Variants in FAM149A observed in about 807,000 individuals in gnomAD.
FAM149A encodes the protein family with sequence similarity 149 member A, also known as protein FAM149A.
Under a neutral mutation model 78.2 loss-of-function variants are expected in FAM149A, and 71 were observed. That is an observed-to-expected ratio of 0.91 (90% CI 0.75 to 1.11). The LOEUF is 1.11. Ranked by LOEUF, FAM149A falls within the 50% of genes least tolerant of loss-of-function variation. FAM149A has a pLI of 0.00. For synonymous variants in FAM149A, 446 were observed against 410.5 expected (o/e 1.09, Z -1.04); for missense variants, 1,036 against 971.0 (o/e 1.07, Z -0.89).
At chr4:186,118,805 G>A (rs990493641) in intron 1 of FAM149A, among the ~76,000 whole-genome samples, 7 of 152,240 alleles carry the variant, frequency 4.6e-5, no homozygotes, top group Middle Eastern at 3.4e-3. Flanking sequence ...TGCGGTCATC[G>A]GATGCAGCCT....
In FAM149A at chr4:186,105,266, TCCGCCTCGCGGCGGTCGCCCGCC is replaced by T; in HGVS notation, c.195_217del (p.Ser66AlafsTer27). The T allele has an allele frequency of 8.3e-7, 1 of 1,201,098 alleles. No individual in the cohort carries two copies. Among genetic ancestry groups the T allele is most frequent in the Non-Finnish European group, 1.0e-6 (1 of 952,958 alleles). The allele number at this position is 1,201,098 out of a possible 1,614,324, so 74.4% of individuals were successfully genotyped here. A position where few individuals can be genotyped will look rare whatever the true frequency, so the allele number is the denominator to read the frequency against. On this transcript the variant is annotated frameshift_variant, in exon 1 of 14. Transcript: ENST00000389354. LOFTEE classifies it high-confidence loss of function. ...CCGCGCCCTGGCTCCGGACTCCCCC[TCCGCCTCGCGGCGGTCGCCCGCC>T]CCGCTGCTCTCCTCCCCCTACTCCC... is the stretch of plus-strand genomic sequence containing the variant.
At chr4:186,116,382 C>G (rs2099313695) in intron 1 of FAM149A, 1 of 741,552 alleles carries the variant, frequency 1.3e-6, no homozygotes, top group Non-Finnish European at 1.6e-6. Flanking sequence ...GAGCTGTAGA[C>G]CGGAGCTGTT....
intron 4 of FAM149A, among the ~76,000 whole-genome samples, chr4:186,152,539 CTTTTT>C (rs10718602): frequency 7.8e-4 from 69 of 88,280 alleles, no homozygotes; most frequent in African/African-American, 2.7e-3. Context: ...TTTCTTTTTG[CTTTTT>C]TTTTTTTTTT....
At position 186,164,532 on chromosome 4, in the gene FAM149A, C is replaced by T. The variant is rs1188725505; in HGVS notation, c.1890-812C>T. Reference sequence around the variant, plus strand: ...CCCCTTTCAGCTTTTTAATTGGTGACTGTTTCTTTCACAGTTTGGGACTGA... The same window carrying T: ...CCCCTTTCAGCTTTTTAATTGGTGATTGTTTCTTTCACAGTTTGGGACTGA... On this transcript the variant is annotated intron_variant, in intron 10 of 13. Transcript: ENST00000389354. The surrounding 1 kb of genome is among the most constrained non-coding windows in gnomAD (Gnocchi z 4.0). 1 of 966,672 alleles carries T rather than the reference C, an allele frequency of 1.0e-6. No individual in the cohort carries two copies. The highest frequency in any genetic ancestry group is 1.2e-6 in the Non-Finnish European group (1 of 812,790). The allele number at this position is 966,672 out of a possible 1,614,324, so 59.9% of individuals were successfully genotyped here.
chr4:186,165,496 C>T, intron 11 of FAM149A, 32 bp downstream of exon 11: 2 of 1,610,768 alleles, frequency 1.2e-6, no homozygotes, highest in African/African-American at 1.3e-5. Flanking sequence ...TTCAGTGGAC[C>T]ATTTAGGTTC....
Position 186,164,948 on chromosome 4 carries a change from CTGTGCTCTACACATACGA to C in FAM149A, c.1890-395_1890-378del. Among the ~76,000 whole-genome samples, 1 of 152,152 alleles carries C rather than the reference CTGTGCTCTACACATACGA, an allele frequency of 6.6e-6. No homozygotes were observed. The highest frequency in any genetic ancestry group is 2.1e-4 in the South Asian group (1 of 4,832). ...ACAGCCTGTTTGTCTGTGTGCATAGCTGTGCTCTACACATACGAGGGAAGCTGTGGCTTCAGAGGGGCC... is the reference window on the plus strand; with the variant it reads ...ACAGCCTGTTTGTCTGTGTGCATAGCGGGAAGCTGTGGCTTCAGAGGGGCC... On this transcript the variant is annotated intron_variant, in intron 10 of 13. Coordinates refer to ENST00000389354, the MANE Select transcript of FAM149A (RefSeq NM_001367768.3). The surrounding 1 kb of genome is among the most constrained non-coding windows in gnomAD (Gnocchi z 4.0).
At chr4:186,106,993 A>G (rs2099309034) in intron 1 of FAM149A, among the ~76,000 whole-genome samples, 1 of 152,188 alleles carries the variant, frequency 6.6e-6, no homozygotes. Context: ...GTTAAGCAAA[A>G]AGTTGTTCCC....
intron 1 of FAM149A, among the ~76,000 whole-genome samples, chr4:186,120,829 T>A (rs2099315734): frequency 7.0e-6 from 1 of 142,062 alleles, no homozygotes; most frequent in African/African-American, 2.6e-5. Flanking sequence ...TCTAAAAGTA[T>A]CTTTCTCAAA....
At chr4:186,145,037 G>T (rs1356318030) in intron 1 of FAM149A, 63 of 982,460 alleles carry the variant, frequency 6.4e-5, no homozygotes, top group Non-Finnish European at 7.4e-5. Flanking sequence ...CGGTGCCTCT[G>T]CCTGACGGTG....
chr4:186,136,961 TCTTTCTCTCTCTCTTTC>T (rs1561396290), intron 1 of FAM149A, among the ~76,000 whole-genome samples: 27 of 103,946 alleles, frequency 2.6e-4, no homozygotes, highest in African/African-American at 6.8e-4. Flanking sequence ...TCTCTCTCTC[TCTTTCTCTCTCTCTTTC>T]TCTCTCTCTC....
chr4:186,113,260 TTA>T (rs2099312069), intron 1 of FAM149A, among the ~76,000 whole-genome samples: 1 of 106,664 alleles, frequency 9.4e-6, no homozygotes, highest in Non-Finnish European at 1.9e-5. Context: ...TTATCATTTT[TTA>T]TTGTGTCTAT....
At chr4:186,137,761 TATC>T (rs1386429931) in intron 1 of FAM149A, among the ~76,000 whole-genome samples, 8 of 152,046 alleles carry the variant, frequency 5.3e-5, no homozygotes, top group Admixed American at 3.9e-4. Context: ...AAAATTCTGT[TATC>T]ATTTAATATC....
chr4:186,165,030 C>T (rs1484508180), intron 10 of FAM149A, among the ~76,000 whole-genome samples: 1 of 152,046 alleles, frequency 6.6e-6, no homozygotes, highest in Admixed American at 6.5e-5. Context: ...TCACCTGTGT[C>T]CCCCGGCTTC....
rs1353456880 is a variant in FAM149A, at chr4:186,164,124, C to T, written c.1889+491C>T. Among the ~76,000 whole-genome samples the T allele has an allele frequency of 2.0e-5, 3 of 152,206 alleles. No homozygotes were observed. Among genetic ancestry groups the T allele is most frequent in the Non-Finnish European group, 4.4e-5 (3 of 68,042 alleles). On this transcript the variant is annotated intron_variant, in intron 10 of 13. Transcript: ENST00000389354. This position sits in a 1 kb window ranked among gnomAD's most constrained non-coding sequence, Gnocchi z 4.0. Reference sequence around the variant, plus strand: ...ATGGCCTCGTTAGAAAGGTGCCTGTCTCTTGCCCTCCAGCTAACTTACCAG... The same window carrying T: ...ATGGCCTCGTTAGAAAGGTGCCTGTTTCTTGCCCTCCAGCTAACTTACCAG...
At chr4:186,110,919 A>G (rs1201318423) in intron 1 of FAM149A, among the ~76,000 whole-genome samples, 2 of 143,050 alleles carry the variant, frequency 1.4e-5, no homozygotes, top group African/African-American at 5.3e-5. Context: ...CAGTAATGGG[A>G]TGGCTGGGTC....
Position 186,105,404 on chromosome 4 carries a change from C to G in FAM149A, c.328C>G (p.Pro110Ala). 1.7e-6 allele frequency: 2 copies of G among 1,175,876 alleles called. No homozygotes were observed. 72.8% of individuals were successfully genotyped at this position (1,175,876 alleles called of 1,614,324 possible). ...TAGAGCGGGTAAAGCCCCGCCCCAG[C>G]CCCCCACTCCCTCCGGCGGGGGCTG... The change falls in exon 1 of 14, where the codon CCC becomes GCC. Residue 110 changes from proline (P) to alanine (A), a missense_variant. By Grantham distance (27) the Pro-to-Ala change is conservative. Transcript: ENST00000389354.
chr4:186,137,006 CTCTCTCTCTCTCTAA>C (rs1270349485), intron 1 of FAM149A, among the ~76,000 whole-genome samples: 36 of 134,514 alleles, frequency 2.7e-4, no homozygotes, highest in Middle Eastern at 3.8e-3. Context: ...CTCTCTCTCT[CTCTCTCTCTCTCTAA>C]GTGCTTAAAG....
At chr4:186,150,268 T>C (rs1733377092) in intron 3 of FAM149A, among the ~76,000 whole-genome samples, 1 of 151,862 alleles carries the variant, frequency 6.6e-6, no homozygotes, top group Non-Finnish European at 1.5e-5. Flanking sequence ...TCCAAGGGTC[T>C]CCGTGGATCC....
intron 1 of FAM149A, chr4:186,124,162 T>C (rs1157209190): frequency 1.0e-6 from 1 of 985,172 alleles, no homozygotes; most frequent in Non-Finnish European, 1.2e-6. Flanking sequence ...AATAATCCTG[T>C]GAGTAGGAAA....
Sources: allele counts gnomAD v4.1 joint callset (sites outside exome capture counted in the v4.1 genomes callset), GRCh38; gene constraint gnomAD v4.1.1; non-coding constraint Gnocchi (gnomAD v3.1); transcripts MANE v1.5; gene names NCBI Gene and HGNC (gene_info 2026-07-23, HGNC 2026-07-21).